ARHGAP15: variants seen among roughly 807,000 people sequenced by gnomAD.
ARHGAP15 encodes the protein rho GTPase-activating protein 15.
ARHGAP15 carries 51 observed loss-of-function variants against 63.7 expected under a neutral mutation model. That is an observed-to-expected ratio of 0.80 (90% confidence interval 0.64 to 1.01). The LOEUF (loss-of-function observed/expected upper bound fraction) is 1.01. ARHGAP15 is among the 50% of genes least tolerant of loss of function. The probability of loss-of-function intolerance (pLI) is 0.00; values close to 1 mark genes in which losing one functional copy is unlikely to be tolerated. For missense variants in ARHGAP15, 560 were observed against 564.6 expected, an observed-to-expected ratio of 0.99 and a Z score of 0.08; for synonymous variants, 191 against 193.8, an observed-to-expected ratio of 0.99 and a Z score of 0.12.
intron 10 of ARHGAP15, among the ~76,000 whole-genome samples, chr2:143,555,056 G>T (rs536743391): frequency 1.2e-4 from 19 of 152,106 alleles, no homozygotes; most frequent in South Asian, 6.2e-4. Flanking sequence ...CCATTTTATT[G>T]CAATTATCTC....
At chr2:143,253,473 G>T (rs1367511967) in intron 6 of ARHGAP15, among the ~76,000 whole-genome samples, 1 of 152,004 alleles carries the variant, frequency 6.6e-6, no homozygotes, top group Admixed American at 6.6e-5. Flanking sequence ...CTATCAAACT[G>T]TTGACATGGA....
chr2:143,233,416 TATC>T (rs1363138400), intron 5 of ARHGAP15, among the ~76,000 whole-genome samples: 1 of 152,056 alleles, frequency 6.6e-6, no homozygotes, highest in Admixed American at 6.6e-5. Flanking sequence ...ATGTCAAAAA[TATC>T]ATTACACTGT....
intron 6 of ARHGAP15, among the ~76,000 whole-genome samples, chr2:143,322,532 C>T (rs1345923615): frequency 6.6e-6 from 1 of 152,034 alleles, no homozygotes; most frequent in African/African-American, 2.4e-5. Context: ...AATGTAATAA[C>T]AACAAAAGGG....
intron 12 of ARHGAP15, among the ~76,000 whole-genome samples, chr2:143,673,758 G>GTGTGTGTGTGTGTGTA (rs1553520615): frequency 6.3e-4 from 14 of 22,112 alleles, no homozygotes; most frequent in African/African-American, 1.1e-3. Context: ...GTGTGTGTGT[G>GTGTGTGTGTGTGTGTA]TATATATATA....
intron 6 of ARHGAP15, among the ~76,000 whole-genome samples, chr2:143,381,717 C>A (rs1027709431): frequency 6.6e-6 from 1 of 152,032 alleles, no homozygotes; most frequent in Non-Finnish European, 1.5e-5. Flanking sequence ...GTCTTTTTTC[C>A]CTTGCGATTT....
intron 12 of ARHGAP15, among the ~76,000 whole-genome samples, chr2:143,702,563 G>A (rs1346772485): frequency 1.3e-5 from 2 of 152,112 alleles, no homozygotes; most frequent in East Asian, 3.9e-4. Context: ...ATATGTCCTT[G>A]TTTAGTTTCC....
chr2:143,139,286 T>C (rs1689268159), intron 1 of ARHGAP15, among the ~76,000 whole-genome samples: 1 of 152,128 alleles, frequency 6.6e-6, no homozygotes, highest in South Asian at 2.1e-4. Flanking sequence ...CATGATATCA[T>C]CCATATCATG....
At chr2:143,374,643 C>T (rs1166155282) in intron 6 of ARHGAP15, among the ~76,000 whole-genome samples, 1 of 152,098 alleles carries the variant, frequency 6.6e-6, no homozygotes, top group African/African-American at 2.4e-5. Context: ...GCTGTGACCA[C>T]AGGCATGCAC....
At chr2:143,692,431 GA>G (rs949523179) in intron 12 of ARHGAP15, among the ~76,000 whole-genome samples, 6 of 152,120 alleles carry the variant, frequency 3.9e-5, no homozygotes, top group Admixed American at 2.6e-4. Flanking sequence ...CAGTTCCCCA[GA>G]AAAGGAGGAA....
intron 7 of ARHGAP15, among the ~76,000 whole-genome samples, chr2:143,436,357 G>A (rs1406446503): frequency 6.6e-6 from 1 of 152,124 alleles, no homozygotes; most frequent in African/African-American, 2.4e-5. Flanking sequence ...TTTTCTGTGT[G>A]ATTTTCTTGA....
intron 6 of ARHGAP15, among the ~76,000 whole-genome samples, chr2:143,361,655 T>C (rs927378000): frequency 3.9e-5 from 6 of 152,182 alleles, no homozygotes; most frequent in African/African-American, 1.2e-4. Context: ...ATTTATGACC[T>C]ATTATGAGAC....
Position 143,427,610 on chromosome 2 carries a change from C to T in ARHGAP15, c.475-7991C>T, listed in dbSNP as rs141150828. On this transcript the variant is annotated intron_variant, in intron 6 of 13. Transcript: ENST00000295095. ...TACTTGGGTGGCTTTGGAATATAAT[C>T]AAGAACGTTCTATTTTAGAGATATG... Among the ~76,000 whole-genome samples the T allele has an allele frequency of 2.0e-3, 308 of 152,004 alleles. 2 individuals are homozygous for T. The highest frequency in any genetic ancestry group is 3.4e-3 in the Middle Eastern group (1 of 294).
intron 2 of ARHGAP15, among the ~76,000 whole-genome samples, chr2:143,187,126 A>G (rs1164524220): frequency 6.6e-6 from 1 of 152,178 alleles, no homozygotes; most frequent in African/African-American, 2.4e-5. Context: ...AAAGATAAAC[A>G]TAGAGTTAGA....
At chr2:143,308,705 C>T (rs1323127786) in intron 6 of ARHGAP15, among the ~76,000 whole-genome samples, 1 of 151,840 alleles carries the variant, frequency 6.6e-6, no homozygotes, top group Non-Finnish European at 1.5e-5. Flanking sequence ...CGGAGAAGTG[C>T]ACGTTAGTTA....
chr2:143,327,532 C>G (rs1684312066), intron 6 of ARHGAP15, among the ~76,000 whole-genome samples: 1 of 152,104 alleles, frequency 6.6e-6, no homozygotes, highest in Non-Finnish European at 1.5e-5. Flanking sequence ...CAGCTTGGTA[C>G]TGGTACCAAA....
intron 13 of ARHGAP15, among the ~76,000 whole-genome samples, chr2:143,750,868 T>C (rs1686345696): frequency 6.6e-6 from 1 of 152,194 alleles, no homozygotes; most frequent in African/African-American, 2.4e-5. Flanking sequence ...TAAAGTACTA[T>C]ACAGATATAG....
chr2:143,674,698 C>G (rs1156240406), intron 12 of ARHGAP15, among the ~76,000 whole-genome samples: 1 of 152,152 alleles, frequency 6.6e-6, no homozygotes, highest in African/African-American at 2.4e-5. Context: ...TACGTTTATA[C>G]TATACTGTAG....
At chr2:143,381,491 A>T (rs1378881653) in intron 6 of ARHGAP15, among the ~76,000 whole-genome samples, 1 of 152,170 alleles carries the variant, frequency 6.6e-6, no homozygotes, top group Non-Finnish European at 1.5e-5. Context: ...GTCAGGGTTA[A>T]TGTAGAAAAA....
At chr2:143,390,215 C>A (rs185682805) in intron 6 of ARHGAP15, among the ~76,000 whole-genome samples, 2 of 152,260 alleles carry the variant, frequency 1.3e-5, no homozygotes, top group East Asian at 3.9e-4. Flanking sequence ...TGCATAGAGA[C>A]AGATTTGCTC....
Sources: gnomAD v4.1 joint callset for allele counts (sites outside exome capture counted in the v4.1 genomes callset) on GRCh38, gnomAD v4.1.1 for gene constraint, MANE v1.5 for transcripts, NCBI Gene and HGNC (gene_info 2026-07-23, HGNC 2026-07-21) for gene names.